The following CLSTN2 variants were observed in gnomAD, a reference collection of about 807,000 sequenced individuals.
The protein encoded by CLSTN2 is calsyntenin 2, also known as calsyntenin-2.
CLSTN2 carries 48 observed loss-of-function variants against 101.2 expected under a neutral mutation model. The observed-to-expected ratio is 0.47, with a 90% CI of 0.38 to 0.60. CLSTN2 has a LOEUF of 0.60. Among genes scored for constraint, CLSTN2 ranks in the 20% least tolerant of loss-of-function variants. The pLI is 0.00. For missense variants in CLSTN2, 1,160 were observed against 1,238.2 expected (o/e 0.94, Z 0.95); for synonymous variants, 481 against 463.6 (o/e 1.04, Z -0.48).
chr3:140,241,824 T>C (rs955197820), intron 2 of CLSTN2, among the ~76,000 whole-genome samples: 26 of 147,224 alleles, frequency 1.8e-4, no homozygotes, highest in East Asian at 9.8e-4. Flanking sequence ...TATATATATA[T>C]ACACACACAT....
chr3:140,247,527 C>G (rs1223474586), intron 2 of CLSTN2, among the ~76,000 whole-genome samples: 1 of 152,200 alleles, frequency 6.6e-6, no homozygotes, highest in Non-Finnish European at 1.5e-5. Flanking sequence ...AGATTTCTTT[C>G]ATTTAAAAAC....
chr3:140,419,220 C>T (rs375747533), intron 4 of CLSTN2, among the ~76,000 whole-genome samples: 2 of 151,248 alleles, frequency 1.3e-5, no homozygotes, highest in African/African-American at 4.9e-5. Context: ...TGTTGGCTCA[C>T]ACCTGTAATC....
intron 1 of CLSTN2, among the ~76,000 whole-genome samples, chr3:140,051,920 G>C (rs1314280481): frequency 6.6e-6 from 1 of 152,210 alleles, no homozygotes; most frequent in African/African-American, 2.4e-5. Context: ...ATCTGGGGCA[G>C]AGCCTGAGAA....
chr3:140,414,722 T>A (rs187590425), intron 4 of CLSTN2, among the ~76,000 whole-genome samples: 2 of 152,018 alleles, frequency 1.3e-5, no homozygotes, highest in Admixed American at 6.5e-5. Context: ...AATAAAAAAA[T>A]TTAAAAATCT....
chr3:140,166,826 C>T lies in CLSTN2; in HGVS notation c.110-9125C>T, dbSNP rs144155035. Among the ~76,000 whole-genome samples, 286 of 152,186 alleles carry T rather than the reference C, an allele frequency of 1.9e-3. 1 individual carries two copies. Among genetic ancestry groups the T allele is most frequent in the African/African-American group, 6.5e-3 (269 of 41,518 alleles). On this transcript the variant is annotated intron_variant, in intron 1 of 16. Coordinates refer to ENST00000458420, the MANE Select transcript of CLSTN2 (RefSeq NM_022131.3). ...AGATAAGAAAGAGGCAAGAATTAGT[C>T]CTAAAGGGGCATGATATGACACAGC...
At position 140,532,392 on chromosome 3, in the gene CLSTN2, T is replaced by G; in HGVS notation, c.1413T>G (p.Asp471Glu). 4 of 1,613,882 alleles carry G rather than the reference T, an allele frequency of 2.5e-6. No individual in the cohort carries two copies. The highest frequency in any genetic ancestry group is 3.4e-6 in the Non-Finnish European group (4 of 1,179,762). The change falls in exon 9 of 17, where the codon GAT becomes GAG. Residue 471 changes from aspartate to glutamate, a missense_variant. Coordinates refer to ENST00000458420, the MANE Select transcript of CLSTN2 (RefSeq NM_022131.3). ...TTCCTGTGGTAACCTTATACATGGA[T>G]GGAGCAACATATGAACCATACCTGG... The part of the protein sequence containing the change: ...VEFPVVTLYM[D>E]GATYEPYLVT...
intron 5 of CLSTN2, among the ~76,000 whole-genome samples, chr3:140,442,134 C>T (rs150831631): frequency 6.6e-6 from 1 of 152,174 alleles, no homozygotes; most frequent in Admixed American, 6.5e-5. Flanking sequence ...GGGGGCCTTA[C>T]TGACCCTGGA....
At chr3:139,985,221 C>A (rs998256341) in intron 1 of CLSTN2, among the ~76,000 whole-genome samples, 2 of 152,198 alleles carry the variant, frequency 1.3e-5, no homozygotes, top group Non-Finnish European at 2.9e-5. Context: ...CCAATGGCTG[C>A]ACATTGTCCT....
chr3:140,367,319 C>T (rs1201534158), intron 2 of CLSTN2, among the ~76,000 whole-genome samples: 6 of 151,874 alleles, frequency 4.0e-5, no homozygotes, highest in African/African-American at 1.5e-4. Context: ...TCGAGACCAT[C>T]GTGGCCAGTA....
chr3:140,306,341 T>A (rs1169900837), intron 2 of CLSTN2, among the ~76,000 whole-genome samples: 1 of 152,054 alleles, frequency 6.6e-6, no homozygotes, highest in Non-Finnish European at 1.5e-5. Flanking sequence ...ATCACCTCCT[T>A]CATTAGAAGA....
intron 4 of CLSTN2, among the ~76,000 whole-genome samples, chr3:140,409,074 G>A (rs1367167615): frequency 6.6e-6 from 1 of 152,244 alleles, no homozygotes; most frequent in East Asian, 1.9e-4. Context: ...ATATGTAGCT[G>A]GTCTAACTCC....
At chr3:140,470,417 G>A (rs1374996919) in intron 8 of CLSTN2, among the ~76,000 whole-genome samples, 2 of 152,240 alleles carry the variant, frequency 1.3e-5, no homozygotes, top group African/African-American at 4.8e-5. Flanking sequence ...GGGAACATCT[G>A]CAAGGAATGT....
At chr3:140,121,290 C>T (rs963820205) in intron 1 of CLSTN2, among the ~76,000 whole-genome samples, 5 of 152,066 alleles carry the variant, frequency 3.3e-5, no homozygotes, top group African/African-American at 1.2e-4. Flanking sequence ...GCCATAACAC[C>T]CCAATTTCCT....
intron 1 of CLSTN2, among the ~76,000 whole-genome samples, chr3:140,000,874 C>T (rs2006820163): frequency 6.6e-6 from 1 of 152,292 alleles, no homozygotes; most frequent in Middle Eastern, 3.4e-3. Flanking sequence ...ATACCAAAGG[C>T]CTGTAAGCCT....
At chr3:140,358,211 C>T (rs905733105) in intron 2 of CLSTN2, among the ~76,000 whole-genome samples, 3 of 152,078 alleles carry the variant, frequency 2.0e-5, no homozygotes, top group Admixed American at 6.5e-5. Context: ...GCCAAGCCCC[C>T]CCTCCATCTG....
At chr3:140,282,198 T>A (rs1241485547) in intron 2 of CLSTN2, among the ~76,000 whole-genome samples, 1 of 152,200 alleles carries the variant, frequency 6.6e-6, no homozygotes, top group Non-Finnish European at 1.5e-5. Context: ...GGTTTATTCT[T>A]ACAAAATAGC....
intron 1 of CLSTN2, among the ~76,000 whole-genome samples, chr3:140,051,753 A>G (rs1243649603): frequency 2.0e-5 from 3 of 152,174 alleles, no homozygotes; most frequent in Non-Finnish European, 2.9e-5. Flanking sequence ...TTGGTCTGGA[A>G]TGTGGCTTGG....
intron 9 of CLSTN2, among the ~76,000 whole-genome samples, chr3:140,539,538 C>T (rs1935426830): frequency 1.3e-5 from 2 of 152,162 alleles, no homozygotes; most frequent in African/African-American, 2.4e-5. Context: ...AAAACAGTAT[C>T]GTCTCTGAGA....
intron 2 of CLSTN2, among the ~76,000 whole-genome samples, chr3:140,338,751 A>G (rs761650436): frequency 3.9e-5 from 6 of 152,190 alleles, no homozygotes; most frequent in Non-Finnish European, 8.8e-5. Flanking sequence ...TGGAACACAC[A>G]TCTTGGAGAC....
Sources: allele counts gnomAD v4.1 joint callset (sites outside exome capture counted in the v4.1 genomes callset), GRCh38; gene constraint gnomAD v4.1.1; transcripts MANE v1.5; gene names NCBI Gene and HGNC (gene_info 2026-07-23, HGNC 2026-07-21).